Variants in POU2F3 observed in about 807,000 individuals in gnomAD.
POU2F3 encodes POU domain, class 2, transcription factor 3.
Under a neutral mutation model 59.2 loss-of-function variants are expected in POU2F3, and 23 were observed. The observed-to-expected ratio is 0.39, with a 90% CI of 0.28 to 0.55. The LOEUF is 0.55. Ranked by LOEUF, POU2F3 falls within the 20% of genes least tolerant of loss-of-function variation. The pLI is 0.66. For missense variants in POU2F3, 473 were observed against 544.5 expected, an observed-to-expected ratio of 0.87 and a Z score of 1.31; for synonymous variants, 190 against 214.6, an observed-to-expected ratio of 0.89 and a Z score of 1.00.
rs150317826 is a variant in POU2F3, at chr11:120,288,705, C to T, written c.133-9560C>T. Reference sequence around the variant, plus strand: ...TACAAGTGAGGTCTGTGGGCCACACCCCTGGTGTTGCCTACTGCGAGACAG... The same window carrying T: ...TACAAGTGAGGTCTGTGGGCCACACTCCTGGTGTTGCCTACTGCGAGACAG... On this transcript the variant is annotated intron_variant, in intron 3 of 12. Coordinates refer to ENST00000543440, the MANE Select transcript of POU2F3 (RefSeq NM_014352.4). Among the ~76,000 whole-genome samples, 504 of 152,154 alleles carry T rather than the reference C, an allele frequency of 3.3e-3. 4 individuals carry two copies. The highest frequency in any genetic ancestry group is 0.011 in the African/African-American group (474 of 41,472).
At chr11:120,315,616 C>T (rs1941763945) in intron 11 of POU2F3, among the ~76,000 whole-genome samples, 189 bp downstream of exon 11, 1 of 152,162 alleles carries the variant, frequency 6.6e-6, no homozygotes, top group Non-Finnish European at 1.5e-5. Context: ...CCAGTTTAAA[C>T]AAGCGAATTG....
intron 6 of POU2F3, 189 bp downstream of exon 6, chr11:120,302,557 AC>A (rs1018971239): frequency 4.0e-4 from 228 of 566,144 alleles, no homozygotes; most frequent in Admixed American, 1.4e-3. Context: ...ACCAAGTGTC[AC>A]TGGTGGGGCC....
rs1301291594 is a variant in POU2F3, at chr11:120,286,000, A to G, written c.133-12265A>G. Among the ~76,000 whole-genome samples, 2 of 151,988 alleles carry G rather than the reference A, an allele frequency of 1.3e-5. No homozygotes were observed. Among genetic ancestry groups the G allele is most frequent in the Non-Finnish European group, 2.9e-5 (2 of 67,990 alleles). ...AGGGTTCAAACAATTCTCGTGTCTCAGCCTCCCCAGTAGCTGGGATCACAG... is the reference window on the plus strand; with the variant it reads ...AGGGTTCAAACAATTCTCGTGTCTCGGCCTCCCCAGTAGCTGGGATCACAG... On this transcript the variant is annotated intron_variant, in intron 3 of 12. Coordinates refer to ENST00000543440, the MANE Select transcript of POU2F3 (RefSeq NM_014352.4). The surrounding 1 kb of genome is among the most constrained non-coding windows in gnomAD (Gnocchi z 4.3).
chr11:120,312,142 A>T (rs1259572118), intron 10 of POU2F3, among the ~76,000 whole-genome samples: 2 of 152,046 alleles, frequency 1.3e-5, no homozygotes, highest in African/African-American at 2.4e-5. Context: ...ATTTTTTTTG[A>T]GACAGAGTTT....
upstream of POU2F3, among the ~76,000 whole-genome samples, chr11:120,238,529 G>A (rs1428758428): frequency 1.3e-5 from 2 of 151,910 alleles, no homozygotes; most frequent in Non-Finnish European, 2.9e-5. Flanking sequence ...AACCTGCCAC[G>A]AAGGCTGTTA....
intron 4 of POU2F3, among the ~76,000 whole-genome samples, chr11:120,299,208 G>A (rs1941275674): frequency 6.6e-6 from 1 of 152,186 alleles, no homozygotes; most frequent in Admixed American, 6.5e-5. Context: ...GCCGAGGCAT[G>A]GCTTTTAGCA....
intron 2 of POU2F3, among the ~76,000 whole-genome samples, chr11:120,255,355 C>G (rs957001672): frequency 1.9e-4 from 29 of 152,122 alleles, no homozygotes; most frequent in African/African-American, 7.0e-4. Flanking sequence ...AACGAAAAAT[C>G]GAAGCCGGGG....
chr11:120,302,256 C>T, intron 5 of POU2F3, 30 bp from the exon 6 acceptor site: 1 of 1,539,450 alleles, frequency 6.5e-7, no homozygotes, highest in Non-Finnish European at 9.0e-7. Context: ...TTTTATTTGT[C>T]TGTTCCTTTG....
chr11:120,269,154 T>G (rs565225149), intron 2 of POU2F3, 56 bp from the exon 3 acceptor site: 2 of 1,421,282 alleles, frequency 1.4e-6, no homozygotes, highest in East Asian at 4.6e-5. Context: ...TTTTCTAACC[T>G]TCAGCTCTTC....
At position 120,285,572 on chromosome 11, in the gene POU2F3, TA is replaced by T. The variant is rs1470671564; in HGVS notation, c.133-12686del. Among the ~76,000 whole-genome samples, 4 of 152,214 alleles carry T rather than the reference TA, an allele frequency of 2.6e-5. No homozygotes were observed. Among genetic ancestry groups the T allele is most frequent in the Non-Finnish European group, 4.4e-5 (3 of 68,034 alleles). On this transcript the variant is annotated intron_variant, in intron 3 of 12. Coordinates refer to ENST00000543440, the MANE Select transcript of POU2F3 (RefSeq NM_014352.4). The surrounding 1 kb of genome is among the most constrained non-coding windows in gnomAD (Gnocchi z 4.3). Reference sequence around the variant, plus strand: ...TTAATACATGAATACTTTCCGGTTATAAAAAAATTTCATAATAAAGATTAAA... The same window carrying T: ...TTAATACATGAATACTTTCCGGTTATAAAAAATTTCATAATAAAGATTAAA...
intron 3 of POU2F3, among the ~76,000 whole-genome samples, chr11:120,272,517 A>G (rs1436307083): frequency 6.6e-6 from 1 of 152,186 alleles, no homozygotes; most frequent in Non-Finnish European, 1.5e-5. Flanking sequence ...TGACACAGAC[A>G]AGGGGTTGGC....
upstream of POU2F3, among the ~76,000 whole-genome samples, chr11:120,239,510 G>T (rs2715890): frequency 1.3e-5 from 2 of 151,974 alleles, no homozygotes; most frequent in South Asian, 4.2e-4. Context: ...GACCTGGGGC[G>T]GGAGACTGGA....
At chr11:120,299,145 C>T (rs1463670464) in intron 4 of POU2F3, among the ~76,000 whole-genome samples, 1 of 152,146 alleles carries the variant, frequency 6.6e-6, no homozygotes, top group Admixed American at 6.5e-5. Context: ...GTTTGCTCCA[C>T]CCCCCAACTC....
chr11:120,307,531 C>G lies in POU2F3; in HGVS notation c.822C>G (p.Leu274=). The change falls in exon 9 of 13, where the codon CTC becomes CTG. Residue 274 remains leucine (L), a synonymous_variant. Transcript: ENST00000543440. ...SVSTPSSYPS[L]SEVFGRKRKK... is the part of the protein sequence containing the mutation. ...GCACGCCCAGCTCCTACCCCAGCCT[C>G]AGTGAAGTATTTGGTAGGAAGAGAA... 1.2e-6 allele frequency: 2 copies of G among 1,614,170 alleles called. No homozygotes were observed. Among genetic ancestry groups the G allele is most frequent in the Non-Finnish European group, 1.7e-6 (2 of 1,180,030 alleles).
chr11:120,270,452 A>G (rs1004035128), intron 3 of POU2F3, among the ~76,000 whole-genome samples: 28 of 152,248 alleles, frequency 1.8e-4, no homozygotes, highest in African/African-American at 3.1e-4. Context: ...AGCAGACATC[A>G]TGGGTGAGGT....
intron 3 of POU2F3, among the ~76,000 whole-genome samples, chr11:120,272,323 C>T (rs1324437679): frequency 1.3e-5 from 2 of 152,178 alleles, no homozygotes; most frequent in African/African-American, 4.8e-5. Context: ...GACTCCAGAG[C>T]CCATTTTTCC....
At chr11:120,301,102 T>G (rs781737835) in intron 5 of POU2F3, 7 of 455,620 alleles carry the variant, frequency 1.5e-5, no homozygotes, top group South Asian at 1.1e-4. Flanking sequence ...CAGTGTATGA[T>G]GCAGTGGTGG....
At chr11:120,273,416 G>A (rs1054520260) in intron 3 of POU2F3, among the ~76,000 whole-genome samples, 9 of 152,196 alleles carry the variant, frequency 5.9e-5, no homozygotes, top group Non-Finnish European at 1.3e-4. Context: ...GAAGAGTAGG[G>A]CTTTGACTAG....
At chr11:120,236,777 G>T, upstream of POU2F3, 2 of 1,382,614 alleles carry the variant, frequency 1.4e-6, no homozygotes, top group South Asian at 1.2e-5. Flanking sequence ...GTCTGAGAGA[G>T]AAGGAATAAA....
Sources: allele counts gnomAD v4.1 joint callset (sites outside exome capture counted in the v4.1 genomes callset), GRCh38; gene constraint gnomAD v4.1.1; non-coding constraint Gnocchi (gnomAD v3.1); transcripts MANE v1.5; gene names NCBI Gene and HGNC (gene_info 2026-07-23, HGNC 2026-07-21).